SNX1: variants seen among roughly 807,000 people sequenced by gnomAD.
SNX1 encodes sorting nexin 1, also known as sorting nexin-1.
A neutral mutation model predicts 71.8 loss-of-function variants in SNX1; 36 were observed. The observed-to-expected ratio is 0.50, with a 90% CI of 0.38 to 0.66. The LOEUF is 0.66. Ranked by LOEUF, SNX1 falls within the 30% of genes least tolerant of loss-of-function variation. SNX1 has a pLI of 0.00. For synonymous variants in SNX1, 254 were observed against 240.7 expected, an observed-to-expected ratio of 1.06 and a Z score of -0.51; for missense variants, 612 against 646.7, an observed-to-expected ratio of 0.95 and a Z score of 0.58.
chr15:64,125,794 C>T (rs1275456866), intron 5 of SNX1, among the ~76,000 whole-genome samples: 2 of 152,118 alleles, frequency 1.3e-5, no homozygotes, highest in Non-Finnish European at 1.5e-5. Context: ...CAAGGGTCAC[C>T]ATGGCTTCAG....
chr15:64,096,060 C>G lies in SNX1; in HGVS notation c.47C>G (p.Pro16Arg), dbSNP rs1370505535. 1.3e-6 allele frequency: 2 copies of G among 1,586,808 alleles called. No individual in the cohort carries two copies. The highest frequency in any genetic ancestry group is 1.8e-5 in the Admixed American group (1 of 55,178). ...GGCSASERLP[P>R]PFPGLEPESE... ...TGTAGCGCTTCGGAGAGACTGCCTC[C>G]GCCCTTCCCCGGCCTGGAGCCGGAG... is the stretch of plus-strand genomic sequence containing the variant. Residue 16 changes from proline to arginine, a missense_variant, in exon 1 of 15, where the codon CCG becomes CGG. Transcript: ENST00000559844.
intron 10 of SNX1, among the ~76,000 whole-genome samples, chr15:64,130,829 A>G (rs2081298916): frequency 6.6e-6 from 1 of 152,234 alleles, no homozygotes; most frequent in African/African-American, 2.4e-5. Context: ...GCATGAGGCC[A>G]GGGTAAGTAA....
intron 1 of SNX1, among the ~76,000 whole-genome samples, chr15:64,106,602 T>C (rs1014252560): frequency 6.6e-6 from 1 of 152,166 alleles, no homozygotes. Context: ...AGATTGCTAA[T>C]CAGCTGACCT....
In SNX1 at chr15:64,107,915, C is replaced by T. The variant is rs373582648; in HGVS notation, c.160-4658C>T. On this transcript the variant is annotated intron_variant, in intron 1 of 14. Transcript: ENST00000559844. The stretch of plus-strand genomic sequence containing the variant: ...TTTTTTAAAAATATGGGTTATTGGC[C>T]GGGCGCAGTGGCTCACGCCTGTAAT... 5.0e-4 allele frequency among the ~76,000 whole-genome samples: 76 copies of T among 152,112 alleles called. 1 individual carries two copies. The East Asian group carries it at 0.014, about 27-fold the overall frequency.
At chr15:64,137,394 T>C (rs555108869) in intron 14 of SNX1, among the ~76,000 whole-genome samples, 174 bp from the exon 15 acceptor site, 2 of 152,218 alleles carry the variant, frequency 1.3e-5, no homozygotes, top group African/African-American at 4.8e-5. Context: ...AACTGCTGCC[T>C]TCCCTGTCGA....
intron 1 of SNX1, among the ~76,000 whole-genome samples, chr15:64,112,012 T>C (rs904570458): frequency 5.3e-5 from 8 of 152,258 alleles, no homozygotes; most frequent in African/African-American, 1.4e-4. Flanking sequence ...CAGTGTGTTA[T>C]TGAAAATTGT....
intron 2 of SNX1, among the ~76,000 whole-genome samples, chr15:64,114,901 G>A (rs1032178148): frequency 6.6e-6 from 1 of 152,106 alleles, no homozygotes; most frequent in African/African-American, 2.4e-5. Flanking sequence ...CAGCACTTTG[G>A]GAGGCCAAGG....
chr15:64,133,339 A>G (rs2081326212), intron 11 of SNX1, among the ~76,000 whole-genome samples: 1 of 152,262 alleles, frequency 6.6e-6, no homozygotes, highest in South Asian at 2.1e-4. Context: ...GCTGCAGGGT[A>G]GCAGCAGTGA....
chr15:64,129,917 T>C lies in SNX1; in HGVS notation c.809T>C (p.Leu270Pro). ...DVREFLEKEE[L>P]PRAVGTQTLS... is the part of the protein sequence containing the mutation. ...ATCCCTGCCTTCTTGGTCTTGTAGC[T>C]GCCACGTGCCGTGGGTACCCAGACA... is the stretch of plus-strand genomic sequence containing the variant. Residue 270 changes from leucine (L) to proline (P), a missense_variant and splice_region_variant, in exon 9 of 15, where the codon CTG becomes CCG. Leu to Pro is a moderately conservative substitution (Grantham distance 98). Around this residue, in one of 2 missense-constraint regions of SNX1, gnomAD observed 296 missense variants for 361.9 expected, o/e 0.82. Coordinates refer to ENST00000559844, the MANE Select transcript of SNX1 (RefSeq NM_003099.5). This position sits in a 1 kb window ranked among gnomAD's most constrained non-coding sequence, Gnocchi z 4.4. 1.2e-6 allele frequency: 2 copies of C among 1,612,702 alleles called. No individual in the cohort carries two copies. The highest frequency in any genetic ancestry group is 1.7e-6 in the Non-Finnish European group (2 of 1,178,726).
At chr15:64,107,551 GCTCT>G (rs2081034902) in intron 1 of SNX1, among the ~76,000 whole-genome samples, 1 of 152,122 alleles carries the variant, frequency 6.6e-6, no homozygotes, top group African/African-American at 2.4e-5. Context: ...TAACAAAAGT[GCTCT>G]CTCTTTCTGG....
At chr15:64,104,420 C>A (rs1345101819) in intron 1 of SNX1, among the ~76,000 whole-genome samples, 1 of 151,746 alleles carries the variant, frequency 6.6e-6, no homozygotes, top group Non-Finnish European at 1.5e-5. Context: ...CTACAGGCGC[C>A]CGCCACCACG....
chr15:64,134,589 A>T lies in SNX1; in HGVS notation c.1222-75A>T. On this transcript the variant is annotated intron_variant, in intron 11 of 14. Coordinates refer to ENST00000559844, the MANE Select transcript of SNX1 (RefSeq NM_003099.5). This position sits in a 1 kb window ranked among gnomAD's most constrained non-coding sequence, Gnocchi z 4.1. The stretch of plus-strand genomic sequence containing the variant: ...GTCTGTCCCTGGTGCAGCTGCTGGG[A>T]GAGCCTGCCTCGAGGCAGAGCCAGC... 1 of 1,520,658 alleles carries T rather than the reference A, an allele frequency of 6.6e-7. No homozygotes were observed. Among genetic ancestry groups the T allele is most frequent in the Non-Finnish European group, 8.9e-7 (1 of 1,124,970 alleles). The allele number at this position is 1,520,658 out of a possible 1,614,324, so 94.2% of individuals were successfully genotyped here. A position where few individuals can be genotyped will look rare whatever the true frequency, so the allele number is the denominator to read the frequency against.
chr15:64,111,870 C>G (rs924015318), intron 1 of SNX1, among the ~76,000 whole-genome samples: 2 of 152,152 alleles, frequency 1.3e-5, no homozygotes, highest in Non-Finnish European at 2.9e-5. Flanking sequence ...ACTCTGGTAC[C>G]GGTCTGGGGA....
chr15:64,115,184 G>T (rs1161184101), intron 2 of SNX1, among the ~76,000 whole-genome samples: 1 of 152,132 alleles, frequency 6.6e-6, no homozygotes, highest in Non-Finnish European at 1.5e-5. Context: ...TGAACATGCA[G>T]ATCTTTATTA....
intron 4 of SNX1, among the ~76,000 whole-genome samples, chr15:64,122,183 G>A (rs1199896876): frequency 6.6e-6 from 1 of 151,682 alleles, no homozygotes; most frequent in Non-Finnish European, 1.5e-5. Context: ...CTAAATTATG[G>A]GATTGACTTC....
In SNX1 at chr15:64,096,057, C is replaced by T. The variant is rs144432300; in HGVS notation, c.44C>T (p.Pro15Leu). ...GGCTGTAGCGCTTCGGAGAGACTGCCTCCGCCCTTCCCCGGCCTGGAGCCG... is the reference window on the plus strand; with the variant it reads ...GGCTGTAGCGCTTCGGAGAGACTGCTTCCGCCCTTCCCCGGCCTGGAGCCG... Reference protein sequence around the residue: ...GGGCSASERLPPPFPGLEPES... With the variant: ...GGGCSASERLLPPFPGLEPES... The change falls in exon 1 of 15, where the codon CCT becomes CTT. Residue 15 changes from proline (P) to leucine (L), a missense_variant. By Grantham distance (98) the Pro-to-Leu change is moderately conservative. Around this residue, in one of 2 missense-constraint regions of SNX1, gnomAD observed 316 missense variants for 284.9 expected, o/e 1.11. Transcript: ENST00000559844. 6.9e-6 allele frequency: 11 copies of T among 1,589,686 alleles called. 1 individual carries two copies. Among genetic ancestry groups the T allele is most frequent in the South Asian group, 3.4e-5 (3 of 87,990 alleles).
chr15:64,141,127 A>G lies in SNX1; in HGVS notation c.*3509A>G, dbSNP rs2081410863. ...TACTAAAAATCATGAATTCACACTGATGCTTTGAGACCAGCCCTGTAGGTT... is the reference window on the plus strand; with the variant it reads ...TACTAAAAATCATGAATTCACACTGGTGCTTTGAGACCAGCCCTGTAGGTT... On this transcript the variant is annotated 3_prime_UTR_variant, in exon 15 of 15. Transcript: ENST00000559844. The surrounding 1 kb of genome is among the most constrained non-coding windows in gnomAD (Gnocchi z 5.1). The G allele has an allele frequency of 6.6e-6, 1 of 152,238 alleles. No individual in the cohort carries two copies. The highest frequency in any genetic ancestry group is 2.1e-4 in the South Asian group (1 of 4,832). The allele number at this position is 152,238 out of a possible 1,614,324, so 9.4% of individuals were successfully genotyped here.
chr15:64,107,026 A>C (rs1200949352), intron 1 of SNX1, among the ~76,000 whole-genome samples: 1 of 152,216 alleles, frequency 6.6e-6, no homozygotes, highest in Non-Finnish European at 1.5e-5. Flanking sequence ...ATTTCATGCT[A>C]AGTTCTTCCA....
In SNX1 at chr15:64,139,794, G is replaced by A. The variant is rs889162440; in HGVS notation, c.*2176G>A. ...GATCATGTTACATTTGTAAACGTGT[G>A]TCTCTCAATACTGCAGATTCCTCAA... is the stretch of plus-strand genomic sequence containing the variant. On this transcript the variant is annotated 3_prime_UTR_variant, in exon 15 of 15. Transcript: ENST00000559844. 3 of 152,126 alleles carry A rather than the reference G, an allele frequency of 2.0e-5. No individual in the cohort carries two copies. Among genetic ancestry groups the A allele is most frequent in the African/African-American group, 7.2e-5 (3 of 41,396 alleles). The allele number at this position is 152,126 out of a possible 1,614,324, so 9.4% of individuals were successfully genotyped here.
Sources: gnomAD v4.1 joint callset for allele counts (sites outside exome capture counted in the v4.1 genomes callset) on GRCh38, gnomAD v4.1.1 for gene constraint, gnomAD v4.1.1 regional missense constraint, Gnocchi (gnomAD v3.1) non-coding constraint, MANE v1.5 for transcripts, NCBI Gene and HGNC (gene_info 2026-07-23, HGNC 2026-07-21) for gene names.